Variants in OR5V1 observed in about 807,000 individuals in gnomAD.
The protein encoded by OR5V1 is olfactory receptor family 5 subfamily V member 1, also known as olfactory receptor 5V1.
For synonymous variants in OR5V1, 134 were observed against 143.2 expected, an observed-to-expected ratio of 0.94 and a Z score of 0.46; for missense variants, 365 against 371.5, an observed-to-expected ratio of 0.98 and a Z score of 0.14.
chr6:29,357,129 A>C (rs557285627), intron 1 of OR5V1, among the ~76,000 whole-genome samples: 10 of 152,318 alleles, frequency 6.6e-5, no homozygotes, highest in African/African-American at 2.4e-4. Flanking sequence ...ATAGATCATC[A>C]ATCTGGAAAA....
At chr6:29,367,009 T>C (rs1351943116) in intron 1 of OR5V1, among the ~76,000 whole-genome samples, 2 of 152,202 alleles carry the variant, frequency 1.3e-5, no homozygotes, top group African/African-American at 4.8e-5. Context: ...CCCATGTCCC[T>C]ATTTGTGGGG....
In OR5V1 at chr6:29,355,182, T is replaced by A; in HGVS notation, c.*48A>T. ...TAAACTTTCAATAAAAACAGCTGACTGGTGAAAAAGTTAATTTTGTAGTAT... is the reference window on the plus strand; with the variant it reads ...TAAACTTTCAATAAAAACAGCTGACAGGTGAAAAAGTTAATTTTGTAGTAT... On this transcript the variant is annotated 3_prime_UTR_variant, in exon 2 of 2. Transcript: ENST00000641768. 1 of 1,515,900 alleles carries A rather than the reference T, an allele frequency of 6.6e-7. No individual in the cohort carries two copies. The highest frequency in any genetic ancestry group is 8.8e-7 in the Non-Finnish European group (1 of 1,134,408). 93.9% of individuals were successfully genotyped at this position (1,515,900 alleles called of 1,614,324 possible).
intron 1 of OR5V1, among the ~76,000 whole-genome samples, chr6:29,359,767 G>T (rs1778480552): frequency 6.6e-6 from 1 of 152,180 alleles, no homozygotes; most frequent in Admixed American, 6.5e-5. Flanking sequence ...CTTTCCCACG[G>T]TTTTTGCAAT....
intron 1 of OR5V1, among the ~76,000 whole-genome samples, chr6:29,357,057 G>T (rs1031718499): frequency 1.3e-5 from 2 of 152,030 alleles, no homozygotes; most frequent in Admixed American, 6.6e-5. Context: ...TTGGGGTTAG[G>T]TTATCTGAAT....
chr6:29,355,922 T>C lies in OR5V1; in HGVS notation c.274A>G (p.Ile92Val), dbSNP rs1050678966. ...TGAACCACACACCCCACATAAGAAA[T>C]GCTTTTTTTCTTTGAGAGGAGGTGC... is the stretch of plus-strand genomic sequence containing the variant. ...MVHLLSKKKS[I>V]SYVGCVVQLF... Residue 92 changes from isoleucine to valine, a missense_variant, in exon 2 of 2, where the codon ATT (isoleucine) becomes GTT (valine). By Grantham distance (29) the Ile-to-Val change is conservative (BLOSUM62 3). Transcript: ENST00000641768. 9 of 1,613,874 alleles carry C rather than the reference T, an allele frequency of 5.6e-6. No homozygotes were observed. The African/African-American group carries it at 1.2e-4, about 22-fold the overall frequency.
chr6:29,356,110 G>A lies in OR5V1; in HGVS notation c.86C>T (p.Thr29Ile), dbSNP rs1165419645. 6.2e-7 allele frequency: 1 copy of A among 1,613,388 alleles called. No homozygotes were observed. The highest frequency in any genetic ancestry group is 1.3e-5 in the African/African-American group (1 of 74,980). The change falls in exon 2 of 2, where the codon ACC becomes ATC. Residue 29 changes from threonine to isoleucine, a missense_variant. Transcript: ENST00000641768. ...ACAGAAATAAGTCAGAAAGAAGATG[G>A]TGAATAGTAAAAACTGCAATTCATT... ...NLNELQFLLF[T>I]IFFLTYFCTL... is the part of the protein sequence containing the mutation.
Position 29,355,960 on chromosome 6 carries a change from G to A in OR5V1, c.236C>T (p.Pro79Leu), listed in dbSNP as rs777493204. Residue 79 changes from proline to leucine, a missense_variant, in exon 2 of 2, where the codon CCC (proline) becomes CTC (leucine). Transcript: ENST00000641768. Reference protein sequence around the residue: ...IDICYTTSNVPQMMVHLLSKK... With the variant: ...IDICYTTSNVLQMMVHLLSKK... ...TGAGAGGAGGTGCACCATCATCTGG[G>A]GGACATTGCTGGTGGTGTAGCAGAT... The A allele has an allele frequency of 1.9e-6, 3 of 1,613,834 alleles. No homozygotes were observed. The Admixed American group carries it at 5.0e-5, about 27-fold the overall frequency.
At chr6:29,361,020 A>C (rs1778541565) in intron 1 of OR5V1, among the ~76,000 whole-genome samples, 2 of 152,186 alleles carry the variant, frequency 1.3e-5, no homozygotes. Context: ...AACCCAATGC[A>C]ATGAAGCTAA....
rs112517604 is a variant in OR5V1, at chr6:29,368,245, A to G, written c.-83+387T>C. On this transcript the variant is annotated intron_variant, in intron 1 of 1. Coordinates refer to ENST00000641768, the MANE Select transcript of OR5V1 (RefSeq NM_030876.6). ...TAGCATGCAAGGTTATTAGATCCAC[A>G]TGAAAGATGGTTTCTTGTGAGAAAG... Among the ~76,000 whole-genome samples the G allele has an allele frequency of 3.0e-3, 459 of 152,354 alleles. 5 individuals are homozygous for G. The highest frequency in any genetic ancestry group is 0.01 in the African/African-American group (417 of 41,586).
chr6:29,355,656 G>T lies in OR5V1; in HGVS notation c.540C>A (p.Asp180Glu). 1 of 1,614,016 alleles carries T rather than the reference G, an allele frequency of 6.2e-7. No homozygotes were observed. Among genetic ancestry groups the T allele is most frequent in the Non-Finnish European group, 8.5e-7 (1 of 1,179,908 alleles). Residue 180 changes from aspartate to glutamate, a missense_variant, in exon 2 of 2, where the codon GAC (aspartate) becomes GAA (glutamate). By Grantham distance (45) the Asp-to-Glu change is conservative. Transcript: ENST00000641768. Reference sequence around the variant, plus strand: ...AAGACAAGATCAGCAAAGGGGGGATGTCACAGAAGAAGTAATTAATCTGAT... The same window carrying T: ...AAGACAAGATCAGCAAAGGGGGGATTTCACAGAAGAAGTAATTAATCTGAT... ...GNNQINYFFC[D>E]IPPLLILSCG...
In OR5V1 at chr6:29,355,228, G is replaced by T. The variant is rs1285120242; in HGVS notation, c.*2C>A. 1.9e-6 allele frequency: 3 copies of T among 1,572,222 alleles called. No homozygotes were observed. The highest frequency in any genetic ancestry group is 1.4e-5 in the African/African-American group (1 of 72,986). On this transcript the variant is annotated 3_prime_UTR_variant, in exon 2 of 2. Coordinates refer to ENST00000641768, the MANE Select transcript of OR5V1 (RefSeq NM_030876.6). ...AGTATAAGATTATTGAACCTGTGAG[G>T]TTCAATAAGTGAGTTTACTATCCAA...
At chr6:29,359,360 T>C (rs1778461265) in intron 1 of OR5V1, among the ~76,000 whole-genome samples, 1 of 152,216 alleles carries the variant, frequency 6.6e-6, no homozygotes, top group African/African-American at 2.4e-5. Context: ...TTGCCTAAAG[T>C]TACTCAGACT....
chr6:29,363,791 C>T (rs1454945033), intron 1 of OR5V1, among the ~76,000 whole-genome samples: 1 of 151,882 alleles, frequency 6.6e-6, no homozygotes, highest in Non-Finnish European at 1.5e-5. Context: ...ATTGATGGAA[C>T]ATATATATAA....
chr6:29,361,176 A>G (rs754133894), intron 1 of OR5V1, among the ~76,000 whole-genome samples: 14 of 152,168 alleles, frequency 9.2e-5, no homozygotes, highest in Non-Finnish European at 1.8e-4. Flanking sequence ...AGAAGAAAGG[A>G]TATCAGAGAT....
In OR5V1 at chr6:29,355,883, C is replaced by A. The variant is rs1356388846; in HGVS notation, c.313G>T (p.Val105Phe). The change falls in exon 2 of 2, where the codon GTT becomes TTT. Residue 105 changes from valine to phenylalanine, a missense_variant. Coordinates refer to ENST00000641768, the MANE Select transcript of OR5V1 (RefSeq NM_030876.6). ...AGACACTCTGATCCTACAAAGAAAA[C>A]AAATGCAAAAAGTTGAACCACACAC... ...VGCVVQLFAFVFFVGSECLLL... is the reference protein window; with the variant it reads ...VGCVVQLFAFFFFVGSECLLL... The A allele has an allele frequency of 6.2e-7, 1 of 1,613,984 alleles. No homozygotes were observed. Among genetic ancestry groups the A allele is most frequent in the African/African-American group, 1.3e-5 (1 of 75,018 alleles).
rs1282213534 is a variant in OR5V1 at position 29,356,234 on chromosome 6, A to T, written c.-39T>A. ...TTCCTTTCAGGAATTGGGCAAAGAGAAGACCAGATTATAAAAATGAATCAT... is the reference window on the plus strand; with the variant it reads ...TTCCTTTCAGGAATTGGGCAAAGAGTAGACCAGATTATAAAAATGAATCAT... On this transcript the variant is annotated 5_prime_UTR_variant, in exon 2 of 2. Coordinates refer to ENST00000641768, the MANE Select transcript of OR5V1 (RefSeq NM_030876.6). 2.0e-6 allele frequency: 3 copies of T among 1,530,174 alleles called. No individual in the cohort carries two copies. The highest frequency in any genetic ancestry group is 2.6e-6 in the Non-Finnish European group (3 of 1,145,328). The allele number at this position is 1,530,174 out of a possible 1,614,324, so 94.8% of individuals were successfully genotyped here.
chr6:29,359,459 T>C (rs754584044), intron 1 of OR5V1, among the ~76,000 whole-genome samples: 11 of 152,308 alleles, frequency 7.2e-5, no homozygotes, highest in South Asian at 2.1e-4. Flanking sequence ...AACAAGCAGA[T>C]GGCTGGGGGT....
At chr6:29,365,562 A>G (rs1778810581) in intron 1 of OR5V1, among the ~76,000 whole-genome samples, 2 of 152,234 alleles carry the variant, frequency 1.3e-5, no homozygotes, top group African/African-American at 4.8e-5. Context: ...AAAGCTCATC[A>G]TCATGGGTCA....
intron 1 of OR5V1, among the ~76,000 whole-genome samples, chr6:29,357,093 T>G (rs1246801200): frequency 1.3e-5 from 2 of 152,198 alleles, no homozygotes; most frequent in Non-Finnish European, 2.9e-5. Context: ...AAGAGACTTA[T>G]CCTAATGAAT....
Sources: gnomAD v4.1 joint callset for allele counts (sites outside exome capture counted in the v4.1 genomes callset) on GRCh38, gnomAD v4.1.1 for gene constraint, MANE v1.5 for transcripts, NCBI Gene and HGNC (gene_info 2026-07-23, HGNC 2026-07-21) for gene names.